C1orf185: variants seen among roughly 807,000 people sequenced by gnomAD.
C1orf185 encodes uncharacterized protein C1orf185.
In C1orf185, 13 loss-of-function variants were observed where a neutral mutation model predicts 16.1. The observed-to-expected ratio is 0.81, with a 90% CI of 0.53 to 1.28. The LOEUF (loss-of-function observed/expected upper bound fraction) is 1.28, where lower values mean the gene tolerates loss of function less well. Ranked by LOEUF, C1orf185 falls within the 50% of genes most tolerant of loss-of-function variation. C1orf185 has a pLI of 0.00. For synonymous variants in C1orf185, 80 were observed against 76.9 expected (o/e 1.04, Z -0.21); for missense variants, 220 against 225.2 (o/e 0.98, Z 0.15).
rs568431630 is a variant in C1orf185, at chr1:51,104,305, T to A, written c.16+2056T>A. Among the ~76,000 whole-genome samples, 4 of 152,296 alleles carry A rather than the reference T, an allele frequency of 2.6e-5. No homozygotes were observed. The East Asian group carries it at 5.8e-4, about 22-fold the overall frequency. On this transcript the variant is annotated intron_variant, in intron 1 of 4. Coordinates refer to ENST00000371759, the MANE Select transcript of C1orf185 (RefSeq NM_001136508.2). ...CAAAAATAAAAGCAGGACTTATAGT[T>A]CAGGAAACATTGCAAAAAATAATCT... is the stretch of plus-strand genomic sequence containing the variant.
intron 1 of C1orf185, among the ~76,000 whole-genome samples, chr1:51,109,873 G>A (rs1240204732): frequency 6.6e-6 from 1 of 151,706 alleles, no homozygotes; most frequent in Non-Finnish European, 1.5e-5. Flanking sequence ...AGCTATTCAG[G>A]GTGTTTTGTG....
At chr1:51,112,037 T>C (rs1646124658) in intron 1 of C1orf185, among the ~76,000 whole-genome samples, 1 of 152,116 alleles carries the variant, frequency 6.6e-6, no homozygotes. Flanking sequence ...ACTTTATTAC[T>C]CTTATCTGCC....
chr1:51,128,525 C>G (rs887835796), intron 3 of C1orf185, among the ~76,000 whole-genome samples: 6 of 151,982 alleles, frequency 3.9e-5, no homozygotes, highest in Admixed American at 6.6e-5. Flanking sequence ...AATCCCATCT[C>G]TACTGAAAAT....
intron 2 of C1orf185, among the ~76,000 whole-genome samples, chr1:51,113,408 G>C (rs2148012577): frequency 6.6e-6 from 1 of 151,896 alleles, no homozygotes; most frequent in African/African-American, 2.4e-5. Context: ...TTCAGGCCGG[G>C]TGCCGTGGCT....
At chr1:51,145,649 T>G (rs1646393860) in intron 3 of C1orf185, 75 bp from the exon 4 acceptor site, 2 of 797,398 alleles carry the variant, frequency 2.5e-6, no homozygotes, top group East Asian at 6.5e-5. Context: ...TGTATTACTC[T>G]CATATAAAAT....
At position 51,147,830 on chromosome 1, in the gene C1orf185, A is replaced by C. The variant is rs1646411456; in HGVS notation, c.*59A>C. 2.9e-6 allele frequency: 4 copies of C among 1,361,514 alleles called. No homozygotes were observed. The East Asian group carries it at 1.0e-4, about 34-fold the overall frequency. The allele number at this position is 1,361,514 out of a possible 1,614,324, so 84.3% of individuals were successfully genotyped here. On this transcript the variant is annotated 3_prime_UTR_variant, in exon 5 of 5. Coordinates refer to ENST00000371759, the MANE Select transcript of C1orf185 (RefSeq NM_001136508.2). The stretch of plus-strand genomic sequence containing the variant: ...TTCATGAAGAAACACAGAGGTTGAA[A>C]TATAAAACCTTCAACATAATACTGA...
chr1:51,141,190 G>A (rs949418909), intron 3 of C1orf185, among the ~76,000 whole-genome samples: 25 of 152,210 alleles, frequency 1.6e-4, no homozygotes, highest in Non-Finnish European at 7.3e-5. Context: ...TGTGTACAGT[G>A]ATATTAAGAA....
At chr1:51,117,941 T>C (rs367605869) in intron 2 of C1orf185, among the ~76,000 whole-genome samples, 1 of 152,154 alleles carries the variant, frequency 6.6e-6, no homozygotes, top group African/African-American at 2.4e-5. Flanking sequence ...TGAGGCAGGG[T>C]CTCACTCTGT....
chr1:51,151,406 GAGA>G (rs1179603753), downstream of C1orf185, among the ~76,000 whole-genome samples: 5 of 152,140 alleles, frequency 3.3e-5, no homozygotes, highest in Admixed American at 6.5e-5. Context: ...TGGAGAATCA[GAGA>G]AGGAGTCACC....
intron 3 of C1orf185, among the ~76,000 whole-genome samples, chr1:51,125,032 T>C (rs1646230310): frequency 6.6e-6 from 1 of 152,230 alleles, no homozygotes; most frequent in Non-Finnish European, 1.5e-5. Flanking sequence ...CTGCCTAGCA[T>C]TGGAGGAGTA....
Position 51,147,942 on chromosome 1 carries a change from AC to A in C1orf185, c.*173del. 2 of 590,434 alleles carry A rather than the reference AC, an allele frequency of 3.4e-6. No homozygotes were observed. Among genetic ancestry groups the A allele is most frequent in the Non-Finnish European group, 5.5e-6 (2 of 363,808 alleles). 36.6% of individuals were successfully genotyped at this position (590,434 alleles called of 1,614,324 possible). On this transcript the variant is annotated 3_prime_UTR_variant, in exon 5 of 5. Coordinates refer to ENST00000371759, the MANE Select transcript of C1orf185 (RefSeq NM_001136508.2). ...GCTAATATTGCTTTTTTTGTTCTTT[AC>A]CATAGAGCGGCTCTACTTCCCTTGC...
At chr1:51,112,598 CT>C (rs1352778560) in intron 2 of C1orf185, 29 bp downstream of exon 2, 10 of 1,474,882 alleles carry the variant, frequency 6.8e-6, no homozygotes, top group South Asian at 1.3e-5. Flanking sequence ...TTTCTTTAAC[CT>C]TTTTTTCTTT....
chr1:51,127,512 C>G (rs1395891177), intron 3 of C1orf185, among the ~76,000 whole-genome samples: 1 of 152,188 alleles, frequency 6.6e-6, no homozygotes, highest in Non-Finnish European at 1.5e-5. Flanking sequence ...TCTCGAGCTC[C>G]TGACCTCAGG....
chr1:51,121,364 G>A (rs1013797081), intron 3 of C1orf185, among the ~76,000 whole-genome samples: 1 of 152,148 alleles, frequency 6.6e-6, no homozygotes, highest in African/African-American at 2.4e-5. Context: ...GTGAAATCAT[G>A]GGTATTTGTC....
intron 2 of C1orf185, among the ~76,000 whole-genome samples, chr1:51,115,636 T>C (rs1266991113): frequency 6.6e-6 from 1 of 152,214 alleles, no homozygotes; most frequent in African/African-American, 2.4e-5. Flanking sequence ...TTTTCAGAAG[T>C]GTATATACAC....
chr1:51,113,065 C>T (rs866805287), intron 2 of C1orf185, among the ~76,000 whole-genome samples: 17 of 151,804 alleles, frequency 1.1e-4, no homozygotes, highest in East Asian at 3.9e-4. Context: ...ACGATCCGCC[C>T]GCCTCGGCCT....
At chr1:51,123,204 TCCATTAAG>T (rs1350694210) in intron 3 of C1orf185, among the ~76,000 whole-genome samples, 1 of 152,154 alleles carries the variant, frequency 6.6e-6, no homozygotes, top group Non-Finnish European at 1.5e-5. Context: ...AATCTATTAA[TCCATTAAG>T]CCATTAATGG....
chr1:51,151,177 G>A (rs1163419121), downstream of C1orf185, among the ~76,000 whole-genome samples: 1 of 152,166 alleles, frequency 6.6e-6, no homozygotes, highest in Non-Finnish European at 1.5e-5. Context: ...TCCAAATAAT[G>A]TTTGAACAAC....
chr1:51,110,060 C>G (rs1283083370), intron 1 of C1orf185, among the ~76,000 whole-genome samples: 1 of 152,066 alleles, frequency 6.6e-6, no homozygotes, highest in African/African-American at 2.4e-5. Flanking sequence ...TATTCCTTAC[C>G]CAATCTAGAT....
Sources: allele counts gnomAD v4.1 joint callset (sites outside exome capture counted in the v4.1 genomes callset), GRCh38; gene constraint gnomAD v4.1.1; transcripts MANE v1.5; gene names NCBI Gene and HGNC (gene_info 2026-07-23, HGNC 2026-07-21).